The following OR4Q3 variants were observed in gnomAD, a reference collection of about 807,000 sequenced individuals.
The protein encoded by OR4Q3 is olfactory receptor family 4 subfamily Q member 3.
In OR4Q3, 17 loss-of-function variants were observed where a neutral mutation model predicts 18.8. The observed-to-expected ratio is 0.91, with a 90% CI of 0.62 to 1.36. The LOEUF is 1.36. OR4Q3 is among the 40% of genes most tolerant of loss of function. OR4Q3 has a pLI of 0.00. For synonymous variants in OR4Q3, 158 were observed against 145.8 expected (o/e 1.08, Z -0.60); for missense variants, 378 against 373.4 (o/e 1.01, Z -0.10).
exon 2 of OR4Q3, chr14:19,748,604 C>G: frequency 4.1e-6 from 2 of 485,132 alleles, no homozygotes; most frequent in Non-Finnish European, 3.6e-6. Context: ...AATTTACTGG[C>G]CACAAACGAT....
downstream of OR4Q3, among the ~76,000 whole-genome samples, chr14:19,751,190 T>C: frequency 1.3e-5 from 2 of 152,238 alleles, no homozygotes; most frequent in Non-Finnish European, 2.9e-5. Context: ...TATATTCCCT[T>C]TTGCATTTTC....
chr14:19,747,735 A>G, exon 2 of OR4Q3: 1 of 1,613,930 alleles, frequency 6.2e-7, no homozygotes, highest in East Asian at 2.2e-5. Context: ...GCCCAGATCT[A>G]CTTCCTCCAC....
chr14:19,750,651 T>C, downstream of OR4Q3, among the ~76,000 whole-genome samples: 1 of 152,214 alleles, frequency 6.6e-6, no homozygotes, highest in South Asian at 2.1e-4. Context: ...GGACAAAATA[T>C]GTATTTTTAT....
chr14:19,750,860 T>G, downstream of OR4Q3, among the ~76,000 whole-genome samples: 1 of 152,232 alleles, frequency 6.6e-6, no homozygotes, highest in Non-Finnish European at 1.5e-5. Flanking sequence ...CTACTCAACA[T>G]TTTCAGGGTT....
At chr14:19,751,438 A>G, downstream of OR4Q3, among the ~76,000 whole-genome samples, 1 of 152,080 alleles carries the variant, frequency 6.6e-6, no homozygotes, top group Non-Finnish European at 1.5e-5. Context: ...TTTTTTGGGA[A>G]TAGTTTCAGT....
chr14:19,748,069 C>A, exon 2 of OR4Q3: 1 of 1,614,046 alleles, frequency 6.2e-7, no homozygotes, highest in Non-Finnish European at 8.5e-7. Flanking sequence ...GCTTCTTGGT[C>A]TTACTATTCT....
chr14:19,744,500 G>A (rs189460332), intron 1 of OR4Q3, among the ~76,000 whole-genome samples: 610 of 151,960 alleles, frequency 4.0e-3, no homozygotes, highest in Middle Eastern at 0.034. Flanking sequence ...AAAGAAGAGA[G>A]ACCAGCTGCT....
At chr14:19,744,643 A>C (rs1214522476) in intron 1 of OR4Q3, among the ~76,000 whole-genome samples, 2 of 152,276 alleles carry the variant, frequency 1.3e-5, no homozygotes, top group East Asian at 3.9e-4. Context: ...TTGTGTACTT[A>C]AAAATATTTT....
chr14:19,748,371 G>T, exon 2 of OR4Q3: 1 of 1,590,082 alleles, frequency 6.3e-7, no homozygotes, highest in Non-Finnish European at 8.6e-7. Flanking sequence ...CCTTGTTAAG[G>T]AATGAGCAGA....
At chr14:19,747,063 G>T in intron 1 of OR4Q3, among the ~76,000 whole-genome samples, 1 of 152,198 alleles carries the variant, frequency 6.6e-6, no homozygotes, top group Non-Finnish European at 1.5e-5. Context: ...GTGGAGCTAG[G>T]CATTCAATCT....
chr14:19,745,559 A>G, intron 1 of OR4Q3, among the ~76,000 whole-genome samples: 1 of 152,158 alleles, frequency 6.6e-6, no homozygotes, highest in Non-Finnish European at 1.5e-5. Flanking sequence ...ACCTTTTTTA[A>G]TTAAAAAAAT....
At chr14:19,749,784 CTT>C, downstream of OR4Q3, among the ~76,000 whole-genome samples, 1 of 53,796 alleles carries the variant, frequency 1.9e-5, no homozygotes, top group East Asian at 7.9e-4. Flanking sequence ...TTTTCTTTCT[CTT>C]TCTTTCTTTC....
At chr14:19,745,282 T>C in intron 1 of OR4Q3, among the ~76,000 whole-genome samples, 3 of 152,228 alleles carry the variant, frequency 2.0e-5, no homozygotes, top group Non-Finnish European at 4.4e-5. Flanking sequence ...ATAAATAGTT[T>C]GTAGTAATTT....
At chr14:19,746,350 G>A in intron 1 of OR4Q3, among the ~76,000 whole-genome samples, 1 of 152,190 alleles carries the variant, frequency 6.6e-6, no homozygotes, top group Non-Finnish European at 1.5e-5. Context: ...GTCATCAAAT[G>A]TTGGGGATGA....
At chr14:19,748,915 G>A in exon 2 of OR4Q3, 2 of 154,672 alleles carry the variant, frequency 1.3e-5, no homozygotes, top group Non-Finnish European at 2.9e-5. Flanking sequence ...CCAAGTTTTA[G>A]AAATGTAGTC....
downstream of OR4Q3, among the ~76,000 whole-genome samples, chr14:19,749,626 A>G: frequency 6.7e-6 from 1 of 149,158 alleles, no homozygotes; most frequent in Non-Finnish European, 1.5e-5. Context: ...AAAAAAAAAA[A>G]AAAAAAAAGA....
downstream of OR4Q3, among the ~76,000 whole-genome samples, chr14:19,750,746 T>C: frequency 1.6e-3 from 244 of 152,330 alleles, no homozygotes; most frequent in African/African-American, 5.4e-3. Flanking sequence ...GAAGGACTCC[T>C]CACAGACTAG....
At chr14:19,745,711 T>C in intron 1 of OR4Q3, among the ~76,000 whole-genome samples, 4 of 152,324 alleles carry the variant, frequency 2.6e-5, no homozygotes, top group Admixed American at 1.3e-4. Flanking sequence ...GATTTTCTTA[T>C]GGAAATTTAC....
chr14:19,747,296 A>G, intron 1 of OR4Q3, 110 bp from the exon 2 acceptor site: 1 of 501,860 alleles, frequency 2.0e-6, no homozygotes, highest in East Asian at 3.5e-5. Flanking sequence ...ACCCGATAAA[A>G]CTTGCTAAAA....
Sources: allele counts gnomAD v4.1 joint callset (sites outside exome capture counted in the v4.1 genomes callset), GRCh38; gene constraint gnomAD v4.1.1; transcripts MANE v1.5; gene names NCBI Gene and HGNC (gene_info 2026-07-23, HGNC 2026-07-21).